Variants in PTPDC1 observed in about 807,000 individuals in gnomAD.
The protein encoded by PTPDC1 is protein tyrosine phosphatase domain containing 1, also known as protein tyrosine phosphatase domain-containing protein 1.
Under a neutral mutation model 75.3 loss-of-function variants are expected in PTPDC1, and 53 were observed. The observed-to-expected ratio is 0.70, with a 90% CI of 0.56 to 0.88. PTPDC1 has a LOEUF of 0.88. PTPDC1 is among the 40% of genes least tolerant of loss of function. PTPDC1 has a pLI of 0.00. For synonymous variants in PTPDC1, 349 were observed against 366.2 expected (o/e 0.95, Z 0.54); for missense variants, 925 against 998.6 (o/e 0.93, Z 0.99).
chr9:94,049,026 AC>A (rs1293148003), intron 1 of PTPDC1, among the ~76,000 whole-genome samples: 8 of 140,918 alleles, frequency 5.7e-5, no homozygotes, highest in African/African-American at 2.1e-4. Context: ...TGGGATTGCA[AC>A]CCCTGCTTAT....
chr9:94,055,080 A>G (rs1825893500), intron 1 of PTPDC1, among the ~76,000 whole-genome samples: 1 of 152,218 alleles, frequency 6.6e-6, no homozygotes. Flanking sequence ...CGTGAATAAA[A>G]GCCAATTAAA....
chr9:94,044,438 C>A (rs1411074043), intron 1 of PTPDC1, among the ~76,000 whole-genome samples: 1 of 152,194 alleles, frequency 6.6e-6, no homozygotes, highest in Non-Finnish European at 1.5e-5. Context: ...AGCTGTTCTT[C>A]CTGATGCTCT....
At chr9:94,062,653 A>G (rs1401751836) in intron 1 of PTPDC1, among the ~76,000 whole-genome samples, 1 of 152,106 alleles carries the variant, frequency 6.6e-6, no homozygotes. Context: ...CACACTTTTA[A>G]ACAACCAGAT....
At chr9:94,085,551 GTT>G in intron 2 of PTPDC1, 129 bp downstream of exon 2, 1 of 934,084 alleles carries the variant, frequency 1.1e-6, no homozygotes, top group Non-Finnish European at 1.6e-6. Context: ...TTGCCAGTCA[GTT>G]CTGGCTTTGC....
chr9:94,052,576 G>A (rs1360445310), intron 1 of PTPDC1, among the ~76,000 whole-genome samples: 1 of 152,106 alleles, frequency 6.6e-6, no homozygotes, highest in East Asian at 1.9e-4. Flanking sequence ...TAAATATATA[G>A]TGGGTTTGTC....
At chr9:94,056,044 G>A (rs1479295678) in intron 1 of PTPDC1, among the ~76,000 whole-genome samples, 2 of 152,078 alleles carry the variant, frequency 1.3e-5, no homozygotes, top group African/African-American at 2.4e-5. Context: ...TAGGGGATGG[G>A]TATATGGGAA....
chr9:94,031,657 G>GGGGGAAA (rs1480040166), intron 1 of PTPDC1, among the ~76,000 whole-genome samples: 1 of 152,034 alleles, frequency 6.6e-6, no homozygotes, highest in Non-Finnish European at 1.5e-5. Flanking sequence ...AAAGATCGTA[G>GGGGGAAA]ATATTACCGT....
At chr9:94,091,869 A>G (rs997642724) in intron 4 of PTPDC1, among the ~76,000 whole-genome samples, 39 of 152,144 alleles carry the variant, frequency 2.6e-4, no homozygotes, top group African/African-American at 8.7e-4. Flanking sequence ...GTTTATTTGC[A>G]TAGAGGTGTT....
intron 1 of PTPDC1, among the ~76,000 whole-genome samples, chr9:94,037,555 A>T (rs1051675950): frequency 6.6e-6 from 1 of 152,140 alleles, no homozygotes; most frequent in Non-Finnish European, 1.5e-5. Context: ...AATATATGGT[A>T]AGTAAGTAGC....
At chr9:94,099,437 T>A (rs933634100) in intron 6 of PTPDC1, among the ~76,000 whole-genome samples, 1 of 152,218 alleles carries the variant, frequency 6.6e-6, no homozygotes, top group Non-Finnish European at 1.5e-5. Flanking sequence ...TAGCTCGCTT[T>A]CATAGTCTGC....
chr9:94,037,050 A>G (rs1380117080), intron 1 of PTPDC1, among the ~76,000 whole-genome samples: 2 of 152,224 alleles, frequency 1.3e-5, no homozygotes, highest in African/African-American at 2.4e-5. Context: ...GCCAAATTTT[A>G]TATGCTTAAG....
chr9:94,064,672 T>G, intron 1 of PTPDC1: 1 of 1,143,986 alleles, frequency 8.7e-7, no homozygotes, highest in Admixed American at 1.8e-5. Flanking sequence ...AGCCATATTT[T>G]GGGTGATTAA....
chr9:94,061,594 C>T (rs1442167489), intron 1 of PTPDC1, among the ~76,000 whole-genome samples: 1 of 152,236 alleles, frequency 6.6e-6, no homozygotes, highest in Non-Finnish European at 1.5e-5. Flanking sequence ...GTGGAGGTTC[C>T]CAAGCTTCAG....
intron 1 of PTPDC1, among the ~76,000 whole-genome samples, chr9:94,054,968 T>C (rs1825890535): frequency 6.6e-6 from 1 of 152,232 alleles, no homozygotes; most frequent in Non-Finnish European, 1.5e-5. Context: ...TGTTTCCCTG[T>C]TCCTGCTGCA....
intron 1 of PTPDC1, among the ~76,000 whole-genome samples, chr9:94,047,595 CAA>C (rs1158490850): frequency 6.6e-6 from 1 of 151,992 alleles, no homozygotes; most frequent in Non-Finnish European, 1.5e-5. Context: ...AATAGAGACA[CAA>C]AAAACCCTTC....
chr9:94,090,518 C>T (rs1827273571), intron 4 of PTPDC1, among the ~76,000 whole-genome samples: 1 of 117,586 alleles, frequency 8.5e-6, no homozygotes, highest in African/African-American at 3.5e-5. Flanking sequence ...TAGTGTGATG[C>T]CTCCAGCTTT....
chr9:94,038,540 A>G (rs1825343402), intron 1 of PTPDC1, among the ~76,000 whole-genome samples: 1 of 152,240 alleles, frequency 6.6e-6, no homozygotes, highest in Non-Finnish European at 1.5e-5. Flanking sequence ...TTTTAATAGT[A>G]ATTCCAATTC....
At chr9:94,096,398 ATGT>A (rs1827569792) in intron 5 of PTPDC1, among the ~76,000 whole-genome samples, 1 of 152,166 alleles carries the variant, frequency 6.6e-6, no homozygotes, top group Non-Finnish European at 1.5e-5. Context: ...TGAGAAAGGT[ATGT>A]TGTTACCGAC....
chr9:94,107,170 T>C (rs1182091461), intron 8 of PTPDC1, among the ~76,000 whole-genome samples: 1 of 152,044 alleles, frequency 6.6e-6, no homozygotes, highest in African/African-American at 2.4e-5. Context: ...CCCAGGCTGG[T>C]CTCAACCTCC....
Sources: gnomAD v4.1 joint callset for allele counts (sites outside exome capture counted in the v4.1 genomes callset) on GRCh38, gnomAD v4.1.1 for gene constraint, MANE v1.5 for transcripts, NCBI Gene and HGNC (gene_info 2026-07-23, HGNC 2026-07-21) for gene names.